Variants in MGAT5 observed in about 807,000 individuals in gnomAD.
MGAT5 encodes the protein alpha-1,6-mannosylglycoprotein 6-beta-N-acetylglucosaminyltransferase A.
A neutral mutation model predicts 94.3 loss-of-function variants in MGAT5; 30 were observed. The observed-to-expected ratio is 0.32, with a 90% confidence interval of 0.24 to 0.43. MGAT5 has a LOEUF of 0.43. Ranked by LOEUF, MGAT5 falls within the 20% of genes least tolerant of loss-of-function variation. The pLI, the probability that MGAT5 is intolerant of heterozygous loss-of-function variation, is 1.00. For synonymous variants in MGAT5, 310 were observed against 322.9 expected (o/e 0.96, Z 0.43); for missense variants, 691 against 905.5 (o/e 0.76, Z 3.04).
chr2:134,397,424 A>G (rs956601420), intron 10 of MGAT5, among the ~76,000 whole-genome samples: 1 of 152,096 alleles, frequency 6.6e-6, no homozygotes, highest in Admixed American at 6.5e-5. Flanking sequence ...ACAGCAGCAC[A>G]TTGGGCTGCC....
intron 4 of MGAT5, 91 bp from the exon 5 acceptor site, chr2:134,336,126 G>T: frequency 1.0e-6 from 1 of 975,802 alleles, no homozygotes; most frequent in Non-Finnish European, 1.6e-6. Flanking sequence ...TATAGTGCTA[G>T]TTGTGTGCCA....
chr2:134,227,753 AG>A, intron 1 of MGAT5, among the ~76,000 whole-genome samples: 1 of 152,250 alleles, frequency 6.6e-6, no homozygotes, highest in Middle Eastern at 3.4e-3. Context: ...TGGACTCAAA[AG>A]AGTTCTGGTT....
rs371221103 is a variant in MGAT5 at position 134,243,229 on chromosome 2, C to A, written c.-142-11033C>A. 3.9e-5 allele frequency among the ~76,000 whole-genome samples: 6 copies of A among 152,012 alleles called. No homozygotes were observed. In the East Asian group the frequency reaches 7.7e-4, roughly 20 times the overall value. ...GGGCCACACCTGAGACAAAGTAAAT[C>A]AAAATCTTTGGGTGTGATAGCTGGG... On this transcript the variant is annotated intron_variant, in intron 1 of 16. Transcript: ENST00000409645.
chr2:134,152,430 C>G (rs1279762871), intron 1 of MGAT5, among the ~76,000 whole-genome samples: 1 of 149,992 alleles, frequency 6.7e-6, no homozygotes, highest in African/African-American at 2.5e-5. Flanking sequence ...GCCATGGGAC[C>G]TCACTCACGC....
chr2:134,434,321 T>C (rs1437018740), intron 14 of MGAT5, among the ~76,000 whole-genome samples: 2 of 152,252 alleles, frequency 1.3e-5, no homozygotes, highest in African/African-American at 4.8e-5. Context: ...CATTGTTCCG[T>C]CTCATAAATT....
chr2:134,128,712 C>A (rs931613641), intron 1 of MGAT5, among the ~76,000 whole-genome samples: 6 of 152,020 alleles, frequency 3.9e-5, no homozygotes, highest in African/African-American at 1.5e-4. Flanking sequence ...GCATGTGTCA[C>A]CACGCCTGGC....
intron 1 of MGAT5, among the ~76,000 whole-genome samples, chr2:134,233,326 A>G (rs1373580652): frequency 6.6e-6 from 1 of 152,206 alleles, no homozygotes; most frequent in Non-Finnish European, 1.5e-5. Context: ...TGGATTTCAG[A>G]CTTTTAGGTG....
At chr2:134,272,063 T>TC (rs1307720830) in intron 2 of MGAT5, among the ~76,000 whole-genome samples, 3 of 152,208 alleles carry the variant, frequency 2.0e-5, no homozygotes, top group African/African-American at 7.2e-5. Flanking sequence ...TGTCATTCTT[T>TC]CCCCCATCGT....
At chr2:134,229,883 G>A (rs1184685559) in intron 1 of MGAT5, among the ~76,000 whole-genome samples, 1 of 152,062 alleles carries the variant, frequency 6.6e-6, no homozygotes, top group Non-Finnish European at 1.5e-5. Flanking sequence ...TCCCCCAAAA[G>A]AAAAACAAAT....
Position 134,317,575 on chromosome 2 carries a change from C to T in MGAT5, c.453C>T (p.Asp151=), listed in dbSNP as rs756885520. 2.7e-5 allele frequency: 42 copies of T among 1,568,140 alleles called. No homozygotes were observed. The highest frequency in any genetic ancestry group is 6.9e-5 in the African/African-American group (5 of 72,350). The change falls in exon 3 of 16, where the codon GAC becomes GAT. Residue 151 remains aspartate (D), a synonymous_variant. Coordinates refer to ENST00000281923, the MANE Select transcript of MGAT5 (RefSeq NM_002410.5). ...AAAAATGTGTATTGCCTCCTATGGACGGCTACCCTCACTGTGAGGGAAAGA... is the reference window on the plus strand; with the variant it reads ...AAAAATGTGTATTGCCTCCTATGGATGGCTACCCTCACTGTGAGGGAAAGA... ...AQEKCVLPPM[D]GYPHCEGKIK... is the part of the protein sequence containing the mutation.
At chr2:134,130,234 A>ACCGCCCCACACCGCCCCACC in intron 1 of MGAT5, among the ~76,000 whole-genome samples, 1 of 111,156 alleles carries the variant, frequency 9.0e-6, no homozygotes, top group South Asian at 3.5e-4. Context: ...ACCGCCCCAC[A>ACCGCCCCACACCGCCCCACC]CCGCCCCACA....
At chr2:134,220,329 C>T (rs1290226915) in intron 1 of MGAT5, among the ~76,000 whole-genome samples, 1 of 152,136 alleles carries the variant, frequency 6.6e-6, no homozygotes, top group African/African-American at 2.4e-5. Flanking sequence ...TCCCCCACCC[C>T]GACCAAATGA....
At chr2:134,381,506 A>AC (rs796340594) in intron 10 of MGAT5, among the ~76,000 whole-genome samples, 11 of 133,194 alleles carry the variant, frequency 8.3e-5, no homozygotes, top group Admixed American at 3.3e-4. Context: ...AGACAGACAG[A>AC]CAGACCAGAC....
intron 11 of MGAT5, among the ~76,000 whole-genome samples, chr2:134,405,293 TG>T (rs1363188705): frequency 6.6e-6 from 1 of 152,248 alleles, no homozygotes; most frequent in Non-Finnish European, 1.5e-5. Context: ...CTTGAAAAAC[TG>T]GGACCCGTGT....
chr2:134,187,182 G>A (rs1262892089), intron 1 of MGAT5, among the ~76,000 whole-genome samples: 2 of 152,214 alleles, frequency 1.3e-5, no homozygotes, highest in African/African-American at 4.8e-5. Flanking sequence ...CAGAATTTGG[G>A]TTCCATCATG....
chr2:134,354,406 C>T (rs956663659), intron 9 of MGAT5, among the ~76,000 whole-genome samples: 14 of 152,086 alleles, frequency 9.2e-5, no homozygotes, highest in South Asian at 2.1e-4. Flanking sequence ...CCAGTCCAAA[C>T]GAACCCAGTG....
In MGAT5 at chr2:134,349,881, C is replaced by T. The variant is rs763212030; in HGVS notation, c.1189C>T (p.His397Tyr). 6.8e-6 allele frequency: 11 copies of T among 1,613,564 alleles called. No homozygotes were observed. Among genetic ancestry groups the T allele is most frequent in the Non-Finnish European group, 9.3e-6 (11 of 1,179,672 alleles). Residue 397 changes from histidine (H) to tyrosine (Y), a missense_variant, in exon 9 of 16, where the codon CAC becomes TAC. This residue lies in a region of MGAT5 where 121 missense variants were observed against 206.1 expected (regional missense o/e 0.59). Transcript: ENST00000281923. ...NHANYAQSKGHKTPWGKWNLN... is the reference protein window; with the variant it reads ...NHANYAQSKGYKTPWGKWNLN... Reference sequence around the variant, plus strand: ...TGCAAATTATGCCCAATCGAAAGGCCACAAGACCCCTTGGGGAAAATGGAA... The same window carrying T: ...TGCAAATTATGCCCAATCGAAAGGCTACAAGACCCCTTGGGGAAAATGGAA...
In MGAT5 at chr2:134,311,371, A is replaced by G. The variant is rs187994344; in HGVS notation, c.407-6158A>G. 2.4e-3 allele frequency among the ~76,000 whole-genome samples: 371 copies of G among 152,328 alleles called. 5 individuals are homozygous for G. The highest frequency in any genetic ancestry group is 0.017 in the Middle Eastern group (5 of 294). On this transcript the variant is annotated intron_variant, in intron 2 of 15. Transcript: ENST00000281923. ...AAAAGTTAATGGACCTGTGTTCTAC[A>G]GGTTGTTAAAAACAAGTGTCATCTC...
intron 4 of MGAT5, among the ~76,000 whole-genome samples, chr2:134,335,656 CT>C (rs1688293210): frequency 6.6e-6 from 1 of 151,560 alleles, no homozygotes; most frequent in Admixed American, 6.6e-5. Context: ...GTTTTACCAC[CT>C]TATTTCTTGA....
Sources: gnomAD v4.1 joint callset for allele counts (sites outside exome capture counted in the v4.1 genomes callset) on GRCh38, gnomAD v4.1.1 for gene constraint, gnomAD v4.1.1 regional missense constraint, MANE v1.5 for transcripts, NCBI Gene and HGNC (gene_info 2026-07-23, HGNC 2026-07-21) for gene names.